Variants in GOLGA3 observed in about 807,000 individuals in gnomAD.
The protein encoded by GOLGA3 is golgin subfamily A member 3.
Under a neutral mutation model 169.4 loss-of-function variants are expected in GOLGA3, and 75 were observed. That is an observed-to-expected ratio of 0.44 (90% CI 0.37 to 0.54). The LOEUF (loss-of-function observed/expected upper bound fraction) is 0.54, where lower values mean the gene tolerates loss of function less well. Ranked by LOEUF, GOLGA3 falls within the 20% of genes least tolerant of loss-of-function variation. The pLI is 0.00. For synonymous variants in GOLGA3, 824 were observed against 822.4 expected (o/e 1.00, Z -0.03); for missense variants, 1,899 against 1,930.0 (o/e 0.98, Z 0.30).
chr12:132,820,963 G>A (rs1187640009), intron 2 of GOLGA3, among the ~76,000 whole-genome samples: 1 of 151,862 alleles, frequency 6.6e-6, no homozygotes, highest in Non-Finnish European at 1.5e-5. Context: ...AGCTGGGTGT[G>A]GTGGCAGGTG....
In GOLGA3 at chr12:132,775,205, ATGT is replaced by A; in HGVS notation, c.4076_4078del (p.Asn1359del). 1 of 1,614,144 alleles carries A rather than the reference ATGT, an allele frequency of 6.2e-7. No homozygotes were observed. Among genetic ancestry groups the A allele is most frequent in the Non-Finnish European group, 8.5e-7 (1 of 1,179,996 alleles). ...CTGGTTCTGCTGGAGCAGGGTCTTC[ATGT>A]TGTTCTTCAGCTCCGACACTTTTGC... On this transcript the variant is annotated inframe_deletion, in exon 22 of 24. Transcript: ENST00000450791.
rs377617193 is a variant in GOLGA3, at chr12:132,813,769, G to A, written c.407-350C>T. 5.3e-5 allele frequency among the ~76,000 whole-genome samples: 7 copies of A among 132,190 alleles called. No individual in the cohort carries two copies. In the East Asian group the frequency reaches 1.6e-3, roughly 31 times the overall value. The allele number at this position is 132,190 out of a possible 152,430, so 86.7% of individuals were successfully genotyped here. A position where few individuals can be genotyped will look rare whatever the true frequency, so the allele number is the denominator to read the frequency against. ...AGATGGAGTCTCACTCTGTCGCCCA[G>A]AATGGAGTGCAGTGGCATGATCTCG... On this transcript the variant is annotated intron_variant, in intron 3 of 23. Coordinates refer to ENST00000450791, the MANE Select transcript of GOLGA3 (RefSeq NM_001389683.1).
rs140071284 is a variant in GOLGA3, at chr12:132,796,758, C to T, written c.1939-58G>A. 628 of 1,534,306 alleles carry T rather than the reference C, an allele frequency of 4.1e-4. 4 individuals carry two copies. In the African/African-American group the frequency reaches 7.2e-3, roughly 18 times the overall value. ...GGAAACCTTAATAGTGAACAGCAGC[C>T]GGTGGCCCCGTGCTCTGCAGAGAAA... On this transcript the variant is annotated intron_variant, in intron 9 of 23. Transcript: ENST00000450791.
At chr12:132,783,618 GC>G (rs1230283902) in intron 16 of GOLGA3, among the ~76,000 whole-genome samples, 1 of 110,204 alleles carries the variant, frequency 9.1e-6, no homozygotes, top group Non-Finnish European at 2.0e-5. Flanking sequence ...TCACTCTGTC[GC>G]CCAGCCTGGA....
intron 8 of GOLGA3, 108 bp downstream of exon 8, chr12:132,801,659 C>G: frequency 3.4e-6 from 2 of 588,796 alleles, no homozygotes. Flanking sequence ...AGGTTAAAAA[C>G]AAAAACATGC....
rs1446404661 is a variant in GOLGA3, at chr12:132,771,924, T to G, written c.*1181A>C. On this transcript the variant is annotated 3_prime_UTR_variant, in exon 24 of 24. Transcript: ENST00000450791. ...CAGATATGGGGCCTCAGTGTCCTTG[T>G]GCCTCCTGATGGCCGTCAGGCCTGA... 2.0e-5 allele frequency: 3 copies of G among 152,458 alleles called. No individual in the cohort carries two copies. Among genetic ancestry groups the G allele is most frequent in the African/African-American group, 2.4e-5 (1 of 41,450 alleles). The allele number at this position is 152,458 out of a possible 1,614,324, so 9.4% of individuals were successfully genotyped here. A position where few individuals can be genotyped will look rare whatever the true frequency, so the allele number is the denominator to read the frequency against.
At chr12:132,829,052 A>C (rs1293327698), upstream of GOLGA3, among the ~76,000 whole-genome samples, 4 of 152,198 alleles carry the variant, frequency 2.6e-5, no homozygotes, top group African/African-American at 9.6e-5. Context: ...TCAGAAAGTG[A>C]CCTTAAGAGT....
rs915947166 is a variant in GOLGA3 at position 132,798,973 on chromosome 12, G to A, written c.1801-496C>T. 8.6e-4 allele frequency among the ~76,000 whole-genome samples: 131 copies of A among 152,332 alleles called. 2 individuals carry two copies. Among genetic ancestry groups the A allele is most frequent in the Non-Finnish European group, 8.8e-5 (6 of 68,020 alleles). On this transcript the variant is annotated intron_variant, in intron 8 of 23. Transcript: ENST00000450791. ...AGGTGCTCAGGCCCACGCTGGCCAA[G>A]CGTCTCGTGAAAAAGCCCAGGACCA...
In GOLGA3 at chr12:132,777,598, G is replaced by A. The variant is rs1232547696; in HGVS notation, c.3722+68C>T. 1.3e-5 allele frequency: 20 copies of A among 1,553,700 alleles called. No homozygotes were observed. The Admixed American group carries it at 2.4e-4, about 19-fold the overall frequency. The stretch of plus-strand genomic sequence containing the variant: ...ATAGATGACCCTCGCTGTGCTGAAG[G>A]TGTGAATTAGACCCCGCCCATTGCC... On this transcript the variant is annotated intron_variant, in intron 19 of 23. Coordinates refer to ENST00000450791, the MANE Select transcript of GOLGA3 (RefSeq NM_001389683.1). The surrounding 1 kb of genome is among the most constrained non-coding windows in gnomAD (Gnocchi z 4.7).
chr12:132,794,463 T>G (rs1237483892), intron 11 of GOLGA3, among the ~76,000 whole-genome samples: 1 of 151,538 alleles, frequency 6.6e-6, no homozygotes, highest in Non-Finnish European at 1.5e-5. Flanking sequence ...GGTCCCCAGG[T>G]GGAAAACAGA....
At chr12:132,797,332 C>T (rs1268676209) in intron 9 of GOLGA3, among the ~76,000 whole-genome samples, 2 of 152,172 alleles carry the variant, frequency 1.3e-5, no homozygotes, top group African/African-American at 4.8e-5. Context: ...CAACATCCAG[C>T]ACAGAACCTC....
chr12:132,774,552 A>G (rs2045111241), intron 22 of GOLGA3: 1 of 583,578 alleles, frequency 1.7e-6, no homozygotes, highest in Non-Finnish European at 3.0e-6. Context: ...AGCAGAGACA[A>G]CCTAAGTCCT....
intron 4 of GOLGA3, among the ~76,000 whole-genome samples, chr12:132,810,300 C>A (rs1451525967): frequency 6.6e-6 from 1 of 151,982 alleles, no homozygotes; most frequent in African/African-American, 2.4e-5. Flanking sequence ...TGAACTATAA[C>A]CACCTTAAAT....
chr12:132,804,696 G>C lies in GOLGA3; in HGVS notation c.1597+20C>G. The C allele has an allele frequency of 6.3e-7, 1 of 1,590,784 alleles. No homozygotes were observed. The highest frequency in any genetic ancestry group is 8.6e-7 in the Non-Finnish European group (1 of 1,163,094). ...AGGGACCAGTCAGGGAGGGGAGGGC[G>C]TGGCCAGGGCCAGCCTCACCTGTGT... On this transcript the variant is annotated intron_variant, in intron 7 of 23. Transcript: ENST00000450791. This position sits in a 1 kb window ranked among gnomAD's most constrained non-coding sequence, Gnocchi z 4.1.
intron 8 of GOLGA3, among the ~76,000 whole-genome samples, chr12:132,801,479 A>T (rs1949123648): frequency 6.6e-6 from 1 of 152,010 alleles, no homozygotes; most frequent in African/African-American, 2.4e-5. Context: ...GACCCAGGCA[A>T]ATGAGGATTC....
intron 21 of GOLGA3, 120 bp from the exon 22 acceptor site, chr12:132,775,425 T>C: frequency 9.7e-6 from 8 of 825,998 alleles, no homozygotes; most frequent in Non-Finnish European, 1.5e-5. Flanking sequence ...ATCTAGATGA[T>C]GCCAGTCCAG....
intron 13 of GOLGA3, 61 bp from the exon 14 acceptor site, chr12:132,786,848 C>A: frequency 8.6e-7 from 1 of 1,169,302 alleles, no homozygotes; most frequent in Non-Finnish European, 1.3e-6. Context: ...TCTCCCCTTC[C>A]TGGCTCCAGC....
Position 132,796,570 on chromosome 12 carries a change from G to C in GOLGA3, c.2069C>G (p.Ser690Trp). 1 of 1,612,822 alleles carries C rather than the reference G, an allele frequency of 6.2e-7. No individual in the cohort carries two copies. The highest frequency in any genetic ancestry group is 8.5e-7 in the Non-Finnish European group (1 of 1,179,980). ...CAGCTGCTGCTCCAGGGATGCCGCC[G>C]AGTCCGCCATCCTCTGCAGCCGCTC... ...ERERLQRMAD[S>W]AASLEQQLEQ... Residue 690 changes from serine (S) to tryptophan (W), a missense_variant, in exon 10 of 24, where the codon TCG becomes TGG. Coordinates refer to ENST00000450791, the MANE Select transcript of GOLGA3 (RefSeq NM_001389683.1).
rs1246311617 is a variant in GOLGA3 at position 132,789,131 on chromosome 12, G to A, written c.2707C>T (p.Arg903Cys). 18 of 1,613,068 alleles carry A rather than the reference G, an allele frequency of 1.1e-5. No homozygotes were observed. Among genetic ancestry groups the A allele is most frequent in the Non-Finnish European group, 1.4e-5 (16 of 1,180,022 alleles). The change falls in exon 13 of 24, where the codon CGC becomes TGC. Residue 903 changes from arginine (R) to cysteine (C), a missense_variant. Coordinates refer to ENST00000450791, the MANE Select transcript of GOLGA3 (RefSeq NM_001389683.1). ...ACCTGGGCCACCTCTCTGTGCAGGC[G>A]CGAGAGCTCCGCCTCGGCAGTCCGC... is the stretch of plus-strand genomic sequence containing the variant. ...EKRTAEAELS[R>C]LHREVAQVRQ...
Sources: gnomAD v4.1 joint callset for allele counts (sites outside exome capture counted in the v4.1 genomes callset) on GRCh38, gnomAD v4.1.1 for gene constraint, Gnocchi (gnomAD v3.1) non-coding constraint, MANE v1.5 for transcripts, NCBI Gene and HGNC (gene_info 2026-07-23, HGNC 2026-07-21) for gene names.